Variants in PRKAG2 observed in about 807,000 individuals in gnomAD.
The protein encoded by PRKAG2 is protein kinase AMP-activated non-catalytic subunit gamma 2.
A neutral mutation model predicts 69.6 loss-of-function variants in PRKAG2; 26 were observed. That is an observed-to-expected ratio of 0.37 (90% CI 0.27 to 0.52). PRKAG2 has a LOEUF of 0.52. PRKAG2 is among the 20% of genes least tolerant of loss of function. The pLI is 0.90. For synonymous variants in PRKAG2, 293 were observed against 285.0 expected (o/e 1.03, Z -0.28); for missense variants, 557 against 740.0 (o/e 0.75, Z 2.87).
chr7:151,568,164 C>T (rs1449649245), intron 11 of PRKAG2, among the ~76,000 whole-genome samples: 1 of 152,214 alleles, frequency 6.6e-6, no homozygotes, highest in Non-Finnish European at 1.5e-5. Context: ...ACTACGGAGC[C>T]AGGTCATTTC....
chr7:151,723,991 G>C (rs1405334729), intron 3 of PRKAG2, among the ~76,000 whole-genome samples: 1 of 152,196 alleles, frequency 6.6e-6, no homozygotes, highest in African/African-American at 2.4e-5. Context: ...CTGTGTAAGA[G>C]CAAGTACTTG....
intron 3 of PRKAG2, among the ~76,000 whole-genome samples, chr7:151,713,536 T>C (rs1795651562): frequency 6.6e-6 from 1 of 152,074 alleles, no homozygotes; most frequent in African/African-American, 2.4e-5. Flanking sequence ...TTTTCTAGCA[T>C]GCCATTTCAA....
intron 3 of PRKAG2, among the ~76,000 whole-genome samples, chr7:151,716,421 C>T (rs1008054819): frequency 3.3e-5 from 5 of 152,136 alleles, no homozygotes; most frequent in African/African-American, 4.8e-5. Context: ...GGCAGGGGTC[C>T]GTATGTGGAC....
chr7:151,632,549 T>C lies in PRKAG2; in HGVS notation c.685-411A>G. The C allele has an allele frequency of 1.0e-6, 1 of 980,718 alleles. No homozygotes were observed. The highest frequency in any genetic ancestry group is 1.2e-6 in the Non-Finnish European group (1 of 827,942). The allele number at this position is 980,718 out of a possible 1,614,324, so 60.8% of individuals were successfully genotyped here. On this transcript the variant is annotated intron_variant, in intron 4 of 15. Coordinates refer to ENST00000287878, the MANE Select transcript of PRKAG2 (RefSeq NM_016203.4). This position sits in a 1 kb window ranked among gnomAD's most constrained non-coding sequence, Gnocchi z 4.2. ...GGAGAGGCCCGCGGCCCGCCCCCAC[T>C]CCGCCCCCCGGCGCCGCTCACCTTC...
rs1370139792 is a variant in PRKAG2, at chr7:151,850,633, C to T, written c.114+25874G>A. 2.0e-5 allele frequency among the ~76,000 whole-genome samples: 3 copies of T among 152,222 alleles called. No homozygotes were observed. Among genetic ancestry groups the T allele is most frequent in the Non-Finnish European group, 2.9e-5 (2 of 68,036 alleles). ...AATCCTCAAGTTCTACACTCCTTCC[C>T]GCCTGCCCCACCTCCATCGTCCTGT... On this transcript the variant is annotated intron_variant, in intron 1 of 15. Coordinates refer to ENST00000287878, the MANE Select transcript of PRKAG2 (RefSeq NM_016203.4). The surrounding 1 kb of genome is among the most constrained non-coding windows in gnomAD (Gnocchi z 4.1).
intron 1 of PRKAG2, among the ~76,000 whole-genome samples, chr7:151,795,712 CAG>C (rs2077469065): frequency 6.6e-6 from 1 of 151,920 alleles, no homozygotes; most frequent in Admixed American, 6.6e-5. Flanking sequence ...AGAGGGAAAA[CAG>C]AGGGTTCTGG....
intron 1 of PRKAG2, among the ~76,000 whole-genome samples, chr7:151,839,584 A>G (rs1364406318): frequency 6.6e-6 from 1 of 152,246 alleles, no homozygotes; most frequent in Non-Finnish European, 1.5e-5. Context: ...GATGATTTAC[A>G]TAATGCTTCA....
chr7:151,667,281 T>C (rs187565828), intron 4 of PRKAG2, among the ~76,000 whole-genome samples: 99 of 152,316 alleles, frequency 6.5e-4, no homozygotes, highest in African/African-American at 2.3e-3. Context: ...ATGATAAACA[T>C]CCTGCACACC....
chr7:151,631,813 C>T (rs1166120793), intron 5 of PRKAG2: 2 of 495,338 alleles, frequency 4.0e-6, no homozygotes, highest in Admixed American at 2.3e-5. Context: ...GCCGCCCGTC[C>T]GTGTGGATGC....
chr7:151,628,168 C>G (rs995846739), intron 5 of PRKAG2, among the ~76,000 whole-genome samples: 1 of 152,136 alleles, frequency 6.6e-6, no homozygotes, highest in East Asian at 1.9e-4. Context: ...GGAGAGAATG[C>G]GGACCGCTCT....
chr7:151,867,801 T>C (rs1476856250), intron 1 of PRKAG2, among the ~76,000 whole-genome samples: 1 of 152,174 alleles, frequency 6.6e-6, no homozygotes, highest in Non-Finnish European at 1.5e-5. Context: ...TTCTTAGCAA[T>C]GGCTCTCTAT....
intron 1 of PRKAG2, 52 bp from the exon 2 acceptor site, chr7:151,786,593 G>T: frequency 6.8e-7 from 1 of 1,474,766 alleles, no homozygotes; most frequent in Non-Finnish European, 9.4e-7. Context: ...CGGGCCCAGG[G>T]GCTGCATGGA....
chr7:151,686,064 T>G (rs900428021), intron 3 of PRKAG2, among the ~76,000 whole-genome samples: 1 of 152,136 alleles, frequency 6.6e-6, no homozygotes, highest in Non-Finnish European at 1.5e-5. Flanking sequence ...TAACCCGACA[T>G]GCTGAGTAGA....
chr7:151,862,146 C>T (rs1319152128), intron 1 of PRKAG2, among the ~76,000 whole-genome samples: 1 of 152,096 alleles, frequency 6.6e-6, no homozygotes, highest in African/African-American at 2.4e-5. Context: ...CGTCTCCAGG[C>T]AGAGGACCAT....
At position 151,726,501 on chromosome 7, in the gene PRKAG2, C is replaced by A. The variant is rs532846847; in HGVS notation, c.467-50864G>T. 1.6e-4 allele frequency among the ~76,000 whole-genome samples: 25 copies of A among 152,226 alleles called. 1 individual carries two copies. Among genetic ancestry groups the A allele is most frequent in the African/African-American group, 6.0e-4 (25 of 41,564 alleles). On this transcript the variant is annotated intron_variant, in intron 3 of 15. Transcript: ENST00000287878. Reference sequence around the variant, plus strand: ...CGAGTCCAACAGAAAGGCACACCAACGCACAAGAGTGCCCATGAGAGCACT... The same window carrying A: ...CGAGTCCAACAGAAAGGCACACCAAAGCACAAGAGTGCCCATGAGAGCACT...
Position 151,756,680 on chromosome 7 carries a change from G to C in PRKAG2, c.466+24472C>G, listed in dbSNP as rs2075113501. Among the ~76,000 whole-genome samples the C allele has an allele frequency of 6.6e-6, 1 of 152,170 alleles. No homozygotes were observed. Among genetic ancestry groups the C allele is most frequent in the Non-Finnish European group, 1.5e-5 (1 of 68,030 alleles). On this transcript the variant is annotated intron_variant, in intron 3 of 15. Coordinates refer to ENST00000287878, the MANE Select transcript of PRKAG2 (RefSeq NM_016203.4). This position sits in a 1 kb window ranked among gnomAD's most constrained non-coding sequence, Gnocchi z 4.9. ...GCAGCTCCTGGTTCCAGCCCCGCCA[G>C]GGCTCCCAGCGCCGCCCTCTTCCCT...
intron 3 of PRKAG2, among the ~76,000 whole-genome samples, chr7:151,708,911 C>T (rs1839069814): frequency 6.6e-6 from 1 of 152,180 alleles, no homozygotes; most frequent in African/African-American, 2.4e-5. Flanking sequence ...AAGGAAGCCA[C>T]CAGGGCACGC....
At chr7:151,644,311 T>C (rs1827217420) in intron 4 of PRKAG2, among the ~76,000 whole-genome samples, 1 of 152,200 alleles carries the variant, frequency 6.6e-6, no homozygotes, top group Admixed American at 6.5e-5. Context: ...GAAAATTTTT[T>C]TATCACTCCA....
chr7:151,580,843 A>AT (rs1810273925), intron 6 of PRKAG2, among the ~76,000 whole-genome samples: 1 of 152,160 alleles, frequency 6.6e-6, no homozygotes, highest in African/African-American at 2.4e-5. Flanking sequence ...CAGTTCATGG[A>AT]TAAAAAAATG....
Sources: allele counts gnomAD v4.1 joint callset (sites outside exome capture counted in the v4.1 genomes callset), GRCh38; gene constraint gnomAD v4.1.1; non-coding constraint Gnocchi (gnomAD v3.1); transcripts MANE v1.5; gene names NCBI Gene and HGNC (gene_info 2026-07-23, HGNC 2026-07-21).